CLCN5: variants seen among roughly 807,000 people sequenced by gnomAD.
CLCN5 encodes the protein H(+)/Cl(-) exchange transporter 5.
Under a neutral mutation model 54.0 loss-of-function variants are expected in CLCN5, and 17 were observed. The ratio of observed to expected loss-of-function variants is 0.31; its 90% CI spans 0.22 to 0.47. CLCN5 has a LOEUF of 0.47. CLCN5 is among the 20% of genes least tolerant of loss of function. The pLI is 1.00. For synonymous variants in CLCN5, 222 were observed against 233.0 expected (o/e 0.95, Z 0.43); for missense variants, 448 against 646.7 (o/e 0.69, Z 3.33).
intron 4 of CLCN5, among the ~76,000 whole-genome samples, chrX:50,060,179 C>T (rs1239781222): frequency 9.1e-6 from 1 of 109,671 alleles, no homozygotes; most frequent in African/African-American, 3.3e-5. Context: ...AGGAACAGCT[C>T]CGGTCTACAG....
In CLCN5 at chrX:49,982,279, A is replaced by C. The variant is rs1347825821; in HGVS notation, c.16+56965A>C. ...TTTATATTCCAACAAATAGCATCATATAAAACCAGACTGAAGAACTCTTTT... is the reference window on the plus strand; with the variant it reads ...TTTATATTCCAACAAATAGCATCATCTAAAACCAGACTGAAGAACTCTTTT... On this transcript the variant is annotated intron_variant, in intron 3 of 14. Transcript: ENST00000376091. Among the ~76,000 whole-genome samples the C allele has an allele frequency of 3.6e-5, 4 of 110,335 alleles. No individual in the cohort carries two copies. In the Admixed American group the frequency reaches 3.9e-4, roughly 11 times the overall value.
intron 3 of CLCN5, among the ~76,000 whole-genome samples, chrX:49,988,336 T>G (rs1929076209): frequency 8.9e-6 from 1 of 111,815 alleles, no homozygotes; most frequent in South Asian, 3.7e-4. Context: ...TTGTTCTCCC[T>G]TCCAATCAAA....
intron 3 of CLCN5, among the ~76,000 whole-genome samples, chrX:49,966,238 AT>A (rs1250748002): frequency 9.0e-6 from 1 of 111,704 alleles, no homozygotes; most frequent in South Asian, 3.8e-4. Context: ...TACAAATTCA[AT>A]TTTTTAATAG....
chrX:50,063,752 A>T (rs1932906806), intron 4 of CLCN5, among the ~76,000 whole-genome samples: 1 of 110,436 alleles, frequency 9.1e-6, no homozygotes, highest in Non-Finnish European at 1.9e-5. Context: ...TCGATGCAAA[A>T]ATCCTCAATA....
At chrX:50,077,289 A>C (rs1458377438) in intron 7 of CLCN5, among the ~76,000 whole-genome samples, 8 of 111,180 alleles carry the variant, frequency 7.2e-5, no homozygotes, top group Non-Finnish European at 1.1e-4. Context: ...GTTTAGGTCT[A>C]TGCTTCTCAA....
chrX:50,035,655 C>G (rs1331145605), intron 3 of CLCN5, among the ~76,000 whole-genome samples: 1 of 112,244 alleles, frequency 8.9e-6, no homozygotes, highest in African/African-American at 3.2e-5. Context: ...TGCCTGAGCA[C>G]AGGCATGGAG....
At chrX:49,926,537 TA>T (rs1407569444) in intron 3 of CLCN5, among the ~76,000 whole-genome samples, 2 of 111,462 alleles carry the variant, frequency 1.8e-5, no homozygotes, top group Non-Finnish European at 3.8e-5. Context: ...TGAGCTGGTC[TA>T]AAAAAATGAG....
At chrX:50,058,570 C>G (rs1489272305) in intron 4 of CLCN5, among the ~76,000 whole-genome samples, 1 of 111,102 alleles carries the variant, frequency 9.0e-6, no homozygotes, top group African/African-American at 3.3e-5. Flanking sequence ...CAGTGTGTTT[C>G]TAGAGACCTG....
chrX:50,018,081 C>A (rs1557183831), intron 3 of CLCN5, among the ~76,000 whole-genome samples: 1 of 111,891 alleles, frequency 8.9e-6, no homozygotes, highest in Non-Finnish European at 1.9e-5. Context: ...TACTTCTTGA[C>A]AATATTGAGT....
intron 4 of CLCN5, among the ~76,000 whole-genome samples, chrX:50,067,179 A>T (rs1169131525): frequency 8.9e-6 from 1 of 111,966 alleles, no homozygotes; most frequent in Non-Finnish European, 1.9e-5. Flanking sequence ...ACTTAGAGGC[A>T]TAGAATCGTA....
At chrX:49,930,353 A>G (rs1557168676) in intron 3 of CLCN5, among the ~76,000 whole-genome samples, 1 of 112,132 alleles carries the variant, frequency 8.9e-6, no homozygotes, top group Non-Finnish European at 1.9e-5. Context: ...ATTTTCTTGG[A>G]ATTTATCCTA....
chrX:50,010,932 CCTT>C (rs1930470231), intron 3 of CLCN5, among the ~76,000 whole-genome samples: 1 of 101,516 alleles, frequency 9.9e-6, no homozygotes, highest in South Asian at 5.7e-4. Flanking sequence ...AGAATGGACT[CCTT>C]CTCATTCATT....
chrX:50,060,165 G>C (rs1348762466), intron 4 of CLCN5, among the ~76,000 whole-genome samples: 1 of 110,085 alleles, frequency 9.1e-6, no homozygotes, highest in Non-Finnish European at 1.9e-5. Flanking sequence ...CAAGATGGCC[G>C]AATAGGAACA....
At chrX:50,017,791 A>G (rs1557183783) in intron 3 of CLCN5, among the ~76,000 whole-genome samples, 1 of 111,232 alleles carries the variant, frequency 9.0e-6, no homozygotes, top group Admixed American at 9.6e-5. Context: ...TCCATTGACT[A>G]TATTTTTGTG....
At chrX:50,035,829 A>G (rs782101098) in intron 3 of CLCN5, among the ~76,000 whole-genome samples, 1 of 112,792 alleles carries the variant, frequency 8.9e-6, no homozygotes, top group East Asian at 2.8e-4. Flanking sequence ...TTTAAGCAAG[A>G]AAGTGACAAA....
At chrX:50,039,582 T>G (rs1557186889) in intron 3 of CLCN5, among the ~76,000 whole-genome samples, 3 of 112,352 alleles carry the variant, frequency 2.7e-5, no homozygotes, top group Admixed American at 1.9e-4. Context: ...CAAAATAGTT[T>G]CATCATTAAA....
intron 4 of CLCN5, among the ~76,000 whole-genome samples, chrX:50,053,759 G>A (rs1425074254): frequency 1.8e-5 from 2 of 111,591 alleles, no homozygotes; most frequent in African/African-American, 6.5e-5. Flanking sequence ...GAGACATTTT[G>A]ACTTACAAGT....
intron 3 of CLCN5, among the ~76,000 whole-genome samples, chrX:49,946,181 C>A (rs1226620057): frequency 8.9e-6 from 1 of 111,850 alleles, no homozygotes; most frequent in African/African-American, 3.3e-5. Flanking sequence ...TATCTTTGTC[C>A]AAGTAATTAA....
At chrX:49,993,548 C>G (rs976228304) in intron 3 of CLCN5, among the ~76,000 whole-genome samples, 2 of 112,110 alleles carry the variant, frequency 1.8e-5, no homozygotes, top group South Asian at 3.7e-4. Context: ...TGGTAATCAT[C>G]ATATAATCCA....
Sources: allele counts gnomAD v4.1 joint callset (sites outside exome capture counted in the v4.1 genomes callset), GRCh38; gene constraint gnomAD v4.1.1; transcripts MANE v1.5; gene names NCBI Gene and HGNC (gene_info 2026-07-23, HGNC 2026-07-21).